The following PCDH11X variants were observed in gnomAD, a reference collection of about 807,000 sequenced individuals.
The protein encoded by PCDH11X is protocadherin 11 X-linked, also known as protocadherin-11 X-linked.
A neutral mutation model predicts 53.3 loss-of-function variants in PCDH11X; 18 were observed. The ratio of observed to expected loss-of-function variants is 0.34; its 90% CI spans 0.23 to 0.50. The LOEUF is 0.50. PCDH11X is among the 20% of genes least tolerant of loss of function. The pLI, the probability that PCDH11X is intolerant of heterozygous loss-of-function variation, is 0.98. For synonymous variants in PCDH11X, 279 were observed against 393.3 expected (o/e 0.71, Z 3.44); for missense variants, 570 against 1,032.4 (o/e 0.55, Z 6.14).
chrX:92,113,578 C>T (rs763999794), intron 6 of PCDH11X: 132 of 1,195,787 alleles, frequency 1.1e-4, no homozygotes, highest in Non-Finnish European at 1.4e-4. Context: ...AGTGAAATCT[C>T]GAGCATGCAT....
chrX:92,054,557 A>T (rs986831932), intron 6 of PCDH11X, among the ~76,000 whole-genome samples: 1 of 111,655 alleles, frequency 9.0e-6, no homozygotes, highest in Non-Finnish European at 1.9e-5. Flanking sequence ...ACGGTGGCTC[A>T]CGCCTGTAAT....
intron 5 of PCDH11X, among the ~76,000 whole-genome samples, chrX:91,856,399 A>T (rs1342065029): frequency 9.2e-6 from 1 of 108,250 alleles, no homozygotes; most frequent in Admixed American, 1.0e-4. Context: ...GTTTGCTAGT[A>T]TTTTTGTTGA....
chrX:91,954,803 A>G (rs2061688169), intron 6 of PCDH11X, among the ~76,000 whole-genome samples: 1 of 108,924 alleles, frequency 9.2e-6, no homozygotes, highest in African/African-American at 3.4e-5. Context: ...TTTTTGATGG[A>G]GTTGTTTGTT....
Position 91,935,911 on chromosome X carries a change from T to A in PCDH11X, c.3033+56638T>A, listed in dbSNP as rs952582164. 3.6e-5 allele frequency among the ~76,000 whole-genome samples: 4 copies of A among 110,099 alleles called. No individual in the cohort carries two copies. The Admixed American group carries it at 3.9e-4, about 11-fold the overall frequency. ...CTATAGAAAGGAAAGTCTAGATTAT[T>A]ATAAGCGCTTGTGAGGACCTAGGAT... On this transcript the variant is annotated intron_variant, in intron 6 of 10. Transcript: ENST00000682573.
intron 8 of PCDH11X, among the ~76,000 whole-genome samples, chrX:92,283,214 TGAATA>T (rs760265344): frequency 8.9e-6 from 1 of 111,824 alleles, no homozygotes; most frequent in Admixed American, 9.5e-5. Context: ...TATTTTAAAC[TGAATA>T]GATCACTCAA....
intron 1 of PCDH11X, among the ~76,000 whole-genome samples, chrX:91,788,930 C>T (rs1174367341): frequency 1.8e-5 from 2 of 111,618 alleles, no homozygotes; most frequent in Admixed American, 9.5e-5. Flanking sequence ...CTGGTCGCAG[C>T]GGCTCACGCC....
intron 6 of PCDH11X, among the ~76,000 whole-genome samples, chrX:92,078,093 C>G (rs34609218): frequency 9.3e-6 from 1 of 107,712 alleles, no homozygotes; most frequent in Admixed American, 1.0e-4. Context: ...TATTGTGGCC[C>G]TCTTCTGCGT....
chrX:92,157,102 G>A (rs1488611185), intron 6 of PCDH11X, among the ~76,000 whole-genome samples: 1 of 111,773 alleles, frequency 8.9e-6, no homozygotes, highest in African/African-American at 3.3e-5. Flanking sequence ...GACCATTAGA[G>A]CACATTTTCT....
Position 91,992,926 on chromosome X carries a change from G to A in PCDH11X, c.3033+113653G>A, listed in dbSNP as rs181133188. On this transcript the variant is annotated intron_variant, in intron 6 of 10. Coordinates refer to ENST00000682573, the MANE Select transcript of PCDH11X (RefSeq NM_032968.5). Reference sequence around the variant, plus strand: ...ATATTGCTTCACTACTGGTGTAAATGGGGTGTAGTTTGGGGCAGAGTTTGG... The same window carrying A: ...ATATTGCTTCACTACTGGTGTAAATAGGGTGTAGTTTGGGGCAGAGTTTGG... Among the ~76,000 whole-genome samples the A allele has an allele frequency of 2.0e-3, 223 of 111,678 alleles. 1 individual carries two copies. Among genetic ancestry groups the A allele is most frequent in the African/African-American group, 6.6e-3 (202 of 30,762 alleles).
intron 6 of PCDH11X, among the ~76,000 whole-genome samples, chrX:92,143,686 A>G (rs1435574815): frequency 8.9e-6 from 1 of 112,741 alleles, no homozygotes; most frequent in Non-Finnish European, 1.9e-5. Flanking sequence ...ACCTCTGCTA[A>G]GGCAGTGAAG....
intron 6 of PCDH11X, among the ~76,000 whole-genome samples, chrX:92,037,529 G>A (rs1161342987): frequency 9.0e-6 from 1 of 111,347 alleles, no homozygotes; most frequent in Non-Finnish European, 1.9e-5. Flanking sequence ...TAGTGTGCAT[G>A]TATCTTTATA....
chrX:92,244,859 A>G (rs1383121231), intron 7 of PCDH11X, among the ~76,000 whole-genome samples: 1 of 111,880 alleles, frequency 8.9e-6, no homozygotes, highest in East Asian at 2.8e-4. Context: ...TTGATTGAGG[A>G]AATTCCATAA....
rs1172774491 is a variant in PCDH11X at position 92,148,053 on chromosome X, CCTTCCTTTCTTTCTTTCTTTCTTTCTTT to C, written c.3034-53318_3034-53291del. The stretch of plus-strand genomic sequence containing the variant: ...CTTTCCTTCTTTCCCTTCCTTCCTT[CCTTCCTTTCTTTCTTTCTTTCTTTCTTT>C]CTTTCTTTCTTTCTTTCTTTCTTTC... On this transcript the variant is annotated intron_variant, in intron 6 of 10. Coordinates refer to ENST00000682573, the MANE Select transcript of PCDH11X (RefSeq NM_032968.5). Among the ~76,000 whole-genome samples the C allele has an allele frequency of 2.1e-3, 101 of 49,253 alleles. 8 individuals carry two copies. The highest frequency in any genetic ancestry group is 0.014 in the African/African-American group (96 of 6,743). The allele number at this position is 49,253 out of a possible 115,157, so 42.8% of individuals were successfully genotyped here. A position where few individuals can be genotyped will look rare whatever the true frequency, so the allele number is the denominator to read the frequency against.
intron 6 of PCDH11X, among the ~76,000 whole-genome samples, chrX:92,026,416 A>G (rs1462533801): frequency 4.2e-5 from 4 of 96,107 alleles, no homozygotes; most frequent in Non-Finnish European, 8.3e-5. Context: ...CTTTTTACAG[A>G]AAAAAAAAAG....
chrX:92,071,633 C>A (rs1239707481), intron 6 of PCDH11X, among the ~76,000 whole-genome samples: 2 of 110,691 alleles, frequency 1.8e-5, no homozygotes, highest in Non-Finnish European at 3.8e-5. Flanking sequence ...TTTGAAGGGA[C>A]CTGGGCTCCA....
Position 92,021,986 on chromosome X carries a change from C to T in PCDH11X, c.3033+142713C>T, listed in dbSNP as rs957756107. The stretch of plus-strand genomic sequence containing the variant: ...AGCAAATACTGAAGGATTTCATCAT[C>T]ACTAGGCCTACCTTGCAAGAGCTCC... On this transcript the variant is annotated intron_variant, in intron 6 of 10. Coordinates refer to ENST00000682573, the MANE Select transcript of PCDH11X (RefSeq NM_032968.5). Among the ~76,000 whole-genome samples, 3 of 107,980 alleles carry T rather than the reference C, an allele frequency of 2.8e-5. No individual in the cohort carries two copies. In the Admixed American group the frequency reaches 3.1e-4, roughly 11 times the overall value. 93.8% of individuals were successfully genotyped at this position (107,980 alleles called of 115,157 possible). A position where few individuals can be genotyped will look rare whatever the true frequency, so the allele number is the denominator to read the frequency against.
intron 7 of PCDH11X, among the ~76,000 whole-genome samples, chrX:92,213,142 C>T (rs746365599): frequency 8.9e-6 from 1 of 111,903 alleles, no homozygotes; most frequent in Non-Finnish European, 1.9e-5. Context: ...TCAACATACC[C>T]TGATGTGATA....
At chrX:92,233,794 G>A (rs1156514253) in intron 7 of PCDH11X, among the ~76,000 whole-genome samples, 1 of 112,106 alleles carries the variant, frequency 8.9e-6, no homozygotes, top group Admixed American at 9.5e-5. Context: ...GTGTGTTATG[G>A]ATACAAGAAT....
intron 6 of PCDH11X, among the ~76,000 whole-genome samples, chrX:92,057,263 T>C (rs1221722542): frequency 9.3e-6 from 1 of 107,547 alleles, no homozygotes; most frequent in South Asian, 4.1e-4. Context: ...CAATCTCTAC[T>C]CTTTATAATG....
Sources: allele counts gnomAD v4.1 joint callset (sites outside exome capture counted in the v4.1 genomes callset), GRCh38; gene constraint gnomAD v4.1.1; transcripts MANE v1.5; gene names NCBI Gene and HGNC (gene_info 2026-07-23, HGNC 2026-07-21).